SMURF1: variants seen among roughly 807,000 people sequenced by gnomAD.
SMURF1 encodes SMAD specific E3 ubiquitin protein ligase 1, also known as E3 ubiquitin-protein ligase SMURF1.
Under a neutral mutation model 98.0 loss-of-function variants are expected in SMURF1, and 44 were observed. That is an observed-to-expected ratio of 0.45 (90% CI 0.35 to 0.58). SMURF1 has a LOEUF of 0.58. Ranked by LOEUF, SMURF1 falls within the 20% of genes least tolerant of loss-of-function variation. The pLI is 0.00. For missense variants in SMURF1, 687 were observed against 938.4 expected (o/e 0.73, Z 3.50); for synonymous variants, 396 against 374.9 (o/e 1.06, Z -0.65).
intron 13 of SMURF1, among the ~76,000 whole-genome samples, 156 bp downstream of exon 13, chr7:99,040,222 C>T (rs1460011681): frequency 3.0e-5 from 4 of 133,034 alleles, no homozygotes; most frequent in Admixed American, 6.9e-5. Context: ...CCTCCGCCTT[C>T]CAAAAAATCC....
At chr7:99,053,043 C>G (rs185089542) in intron 6 of SMURF1, among the ~76,000 whole-genome samples, 1 of 152,094 alleles carries the variant, frequency 6.6e-6, no homozygotes, top group Admixed American at 6.6e-5. Flanking sequence ...GGTGACAGAG[C>G]GAGACTCCAT....
At chr7:99,140,829 ACT>A (rs1798104859) in intron 1 of SMURF1, among the ~76,000 whole-genome samples, 1 of 151,992 alleles carries the variant, frequency 6.6e-6, no homozygotes, top group South Asian at 2.1e-4. Flanking sequence ...ATGGAAATAA[ACT>A]CTGAAACCTG....
At chr7:99,080,032 T>A (rs1584155206) in intron 1 of SMURF1, among the ~76,000 whole-genome samples, 1 of 146,354 alleles carries the variant, frequency 6.8e-6, no homozygotes. Flanking sequence ...TTAAGTAAGC[T>A]CAAGAAAAAG....
At position 99,063,239 on chromosome 7, in the gene SMURF1, A is replaced by T. The variant is rs7811572; in HGVS notation, c.56-1402T>A. On this transcript the variant is annotated intron_variant, in intron 1 of 17. Transcript: ENST00000361368. ...AGATATATATATATATATAAGATTT[A>T]TTTATATATATATATATATATATAT... is the stretch of plus-strand genomic sequence containing the variant. Among the ~76,000 whole-genome samples, 19 of 10,374 alleles carry T rather than the reference A, an allele frequency of 1.8e-3. 1 individual carries two copies. In the Admixed American group the frequency reaches 0.021, roughly 12 times the overall value. The allele number at this position is 10,374 out of a possible 152,430, so 6.8% of individuals were successfully genotyped here.
In SMURF1 at chr7:99,093,931, C is replaced by A. The variant is rs1041523370; in HGVS notation, c.56-32094G>T. On this transcript the variant is annotated intron_variant, in intron 1 of 17. Transcript: ENST00000361368. Reference sequence around the variant, plus strand: ...TATTAATTTGAATTTTCAAAACTAACAAATAATGAAAGTCAGTCGTAGGTG... The same window carrying A: ...TATTAATTTGAATTTTCAAAACTAAAAAATAATGAAAGTCAGTCGTAGGTG... Among the ~76,000 whole-genome samples the A allele has an allele frequency of 2.0e-5, 3 of 152,058 alleles. No individual in the cohort carries two copies. The East Asian group carries it at 5.8e-4, about 29-fold the overall frequency.
At chr7:99,135,869 A>C (rs1797980822) in intron 1 of SMURF1, among the ~76,000 whole-genome samples, 1 of 152,242 alleles carries the variant, frequency 6.6e-6, no homozygotes, top group African/African-American at 2.4e-5. Context: ...ACTAGAGTAA[A>C]AGACCTGTTT....
At chr7:99,133,534 C>T (rs1797920422) in intron 1 of SMURF1, among the ~76,000 whole-genome samples, 1 of 152,068 alleles carries the variant, frequency 6.6e-6, no homozygotes, top group Non-Finnish European at 1.5e-5. Context: ...AAAGGAGCAC[C>T]TGGAACTCTC....
At chr7:99,126,513 G>A (rs998756195) in intron 1 of SMURF1, among the ~76,000 whole-genome samples, 3 of 151,924 alleles carry the variant, frequency 2.0e-5, no homozygotes, top group Admixed American at 6.6e-5. Context: ...AAGATCAGCC[G>A]GGCGTGGTGG....
intron 17 of SMURF1, among the ~76,000 whole-genome samples, chr7:99,032,628 C>A (rs1794950265): frequency 6.6e-6 from 1 of 152,210 alleles, no homozygotes; most frequent in Non-Finnish European, 1.5e-5. Flanking sequence ...GAGATCGTGC[C>A]ACTGCACTCC....
intron 1 of SMURF1, among the ~76,000 whole-genome samples, chr7:99,136,006 A>G (rs1479335239): frequency 6.6e-6 from 1 of 152,352 alleles, no homozygotes; most frequent in African/African-American, 2.4e-5. Context: ...CTGATTATCA[A>G]TTAAAAATAA....
intron 16 of SMURF1, chr7:99,035,272 AG>A: frequency 3.6e-6 from 2 of 553,042 alleles, no homozygotes; most frequent in Non-Finnish European, 6.5e-6. Flanking sequence ...AGCAGTGAGG[AG>A]GGGGAATCCA....
At position 99,061,849 on chromosome 7, in the gene SMURF1, GA is replaced by G. The variant is rs750187995; in HGVS notation, c.56-13del. 2.5e-6 allele frequency: 4 copies of G among 1,595,170 alleles called. No homozygotes were observed. The highest frequency in any genetic ancestry group is 3.4e-6 in the Non-Finnish European group (4 of 1,170,802). ...CTTGGCACATAACACTAAAAACAAA[GA>G]AAAATTACTCAGGTTAGCATTAAAG... On this transcript the variant is annotated splice_polypyrimidine_tract_variant and intron_variant, in intron 1 of 17. Transcript: ENST00000361368.
At position 99,030,357 on chromosome 7, in the gene SMURF1, G is replaced by GGT; in HGVS notation, c.*225_*226dup. The GGT allele has an allele frequency of 1.9e-6, 1 of 536,588 alleles. No individual in the cohort carries two copies. The highest frequency in any genetic ancestry group is 3.4e-6 in the Non-Finnish European group (1 of 296,564). 33.2% of individuals were successfully genotyped at this position (536,588 alleles called of 1,614,324 possible). ...AAACCTGGCTGCATTTTATTGGATG[G>GGT]GTGATGGAAGTGGGTGGGAGTACTA... On this transcript the variant is annotated 3_prime_UTR_variant, in exon 18 of 18. Transcript: ENST00000361368.
chr7:99,033,233 G>C, intron 16 of SMURF1, 112 bp from the exon 17 acceptor site: 1 of 1,067,916 alleles, frequency 9.4e-7, no homozygotes, highest in Non-Finnish European at 1.4e-6. Flanking sequence ...CCACACCCAG[G>C]CAGGCTGTCC....
chr7:99,050,668 G>A (rs1209165726), intron 8 of SMURF1: 2 of 380,720 alleles, frequency 5.3e-6, no homozygotes, highest in Non-Finnish European at 9.6e-6. Flanking sequence ...GGGTACAAAA[G>A]AGACACCTCA....
At chr7:99,077,564 C>T (rs558485329) in intron 1 of SMURF1, among the ~76,000 whole-genome samples, 1 of 152,106 alleles carries the variant, frequency 6.6e-6, no homozygotes, top group African/African-American at 2.4e-5. Context: ...GATCTCTTGA[C>T]CTCATGATCC....
Position 99,028,894 on chromosome 7 carries a change from G to C in SMURF1, c.*1690C>G, listed in dbSNP as rs188976942. 2 of 152,388 alleles carry C rather than the reference G, an allele frequency of 1.3e-5. No homozygotes were observed. The highest frequency in any genetic ancestry group is 4.8e-5 in the African/African-American group (2 of 41,574). 9.4% of individuals were successfully genotyped at this position (152,388 alleles called of 1,614,324 possible). On this transcript the variant is annotated 3_prime_UTR_variant, in exon 18 of 18. Transcript: ENST00000361368. ...GGAAAGGCTGGATACAGCCACTGGGGAACGGGCTTCTAGAACACCCTCAGG... is the reference window on the plus strand; with the variant it reads ...GGAAAGGCTGGATACAGCCACTGGGCAACGGGCTTCTAGAACACCCTCAGG...
intron 1 of SMURF1, among the ~76,000 whole-genome samples, chr7:99,062,694 A>G (rs1215236794): frequency 6.6e-6 from 1 of 152,068 alleles, no homozygotes; most frequent in Admixed American, 6.6e-5. Context: ...ACTAAAATAC[A>G]AAAATTAGCT....
At chr7:99,138,813 T>C (rs1452392726) in intron 1 of SMURF1, among the ~76,000 whole-genome samples, 1 of 152,230 alleles carries the variant, frequency 6.6e-6, no homozygotes, top group Non-Finnish European at 1.5e-5. Context: ...CAAAAACCTC[T>C]ATTTGGCAGA....
Sources: allele counts gnomAD v4.1 joint callset (sites outside exome capture counted in the v4.1 genomes callset), GRCh38; gene constraint gnomAD v4.1.1; transcripts MANE v1.5; gene names NCBI Gene and HGNC (gene_info 2026-07-23, HGNC 2026-07-21).